The following FAM83B variants were observed in gnomAD, a reference collection of about 807,000 sequenced individuals.
FAM83B encodes scaffolding CK1 anchoring protein B.
A neutral mutation model predicts 38.8 loss-of-function variants in FAM83B; 26 were observed. That is an observed-to-expected ratio of 0.67 (90% CI 0.49 to 0.93). FAM83B has a LOEUF of 0.93. FAM83B is among the 40% of genes least tolerant of loss of function. The pLI, the probability that FAM83B is intolerant of heterozygous loss-of-function variation, is 0.00. For synonymous variants in FAM83B, 419 were observed against 423.1 expected (o/e 0.99, Z 0.12); for missense variants, 1,237 against 1,197.3 (o/e 1.03, Z -0.49).
chr6:54,865,589 C>A (rs1771681664), intron 1 of FAM83B, among the ~76,000 whole-genome samples: 1 of 152,170 alleles, frequency 6.6e-6, no homozygotes, highest in Admixed American at 6.5e-5. Flanking sequence ...GGAAAATGGA[C>A]TGCAGTGATG....
intron 2 of FAM83B, among the ~76,000 whole-genome samples, chr6:54,890,017 C>A (rs1448224206): frequency 6.6e-6 from 1 of 151,926 alleles, no homozygotes; most frequent in African/African-American, 2.4e-5. Context: ...TATATATAGT[C>A]ATGATCTATT....
chr6:54,940,661 T>C lies in FAM83B; in HGVS notation c.1690T>C (p.Ser564Pro), dbSNP rs752480008. The change falls in exon 5 of 5, where the codon TCA becomes CCA. Residue 564 changes from serine (S) to proline (P), a missense_variant. By Grantham distance (74) the Ser-to-Pro change is moderately conservative. Coordinates refer to ENST00000306858, the MANE Select transcript of FAM83B (RefSeq NM_001010872.3). ...AGTTAACAGTTGTACAACTGGCTCCTCAAATTCAACTATCATTGGTTCTCA... is the reference window on the plus strand; with the variant it reads ...AGTTAACAGTTGTACAACTGGCTCCCCAAATTCAACTATCATTGGTTCTCA... ...KEVNSCTTGS[S>P]NSTIIGSQGS... is the part of the protein sequence containing the mutation. The C allele has an allele frequency of 6.2e-7, 1 of 1,614,052 alleles. No individual in the cohort carries two copies. Among genetic ancestry groups the C allele is most frequent in the Non-Finnish European group, 8.5e-7 (1 of 1,180,024 alleles).
chr6:54,935,890 A>G (rs1312447792), intron 4 of FAM83B, among the ~76,000 whole-genome samples: 1 of 152,074 alleles, frequency 6.6e-6, no homozygotes, highest in African/African-American at 2.4e-5. Context: ...CACCTGAAAG[A>G]TGGCTGAGTC....
In FAM83B at chr6:54,944,075, T is replaced by G. The variant is rs1026617479; in HGVS notation, c.*2068T>G. On this transcript the variant is annotated 3_prime_UTR_variant, in exon 5 of 5. Transcript: ENST00000306858. ...TGCGTTTTTTAAAAATTGTTTTTCT[T>G]GTATCTTTTTTCTTCAAAAATATCT... 6.6e-6 allele frequency: 1 copy of G among 152,210 alleles called. No homozygotes were observed. The highest frequency in any genetic ancestry group is 6.5e-5 in the Admixed American group (1 of 15,268). 9.4% of individuals were successfully genotyped at this position (152,210 alleles called of 1,614,324 possible).
chr6:54,881,625 A>G (rs73439707), intron 2 of FAM83B, among the ~76,000 whole-genome samples: 1,577 of 152,282 alleles, frequency 0.01, 29 homozygotes, highest in African/African-American at 0.036. Context: ...TTACTGAAAA[A>G]AAAATAAAAT....
At position 54,941,284 on chromosome 6, in the gene FAM83B, G is replaced by A. The variant is rs752093050; in HGVS notation, c.2313G>A (p.Gly771=). 5.6e-6 allele frequency: 9 copies of A among 1,610,440 alleles called. 1 individual carries two copies. The East Asian group carries it at 6.7e-5, about 12-fold the overall frequency. Residue 771 remains glycine, a synonymous_variant, in exon 5 of 5, where the codon GGG becomes GGA. Transcript: ENST00000306858. ...GTTCCCCAAGTTTTTTGAAAAAGGG[G>A]TCTCAGAAGTTAAGGTCATTACTTA... ...VKGSPSFLKK[G]SQKLRSLLSL... is the part of the protein sequence containing the mutation.
Position 54,870,647 on chromosome 6 carries a change from C to G in FAM83B, c.401C>G (p.Thr134Arg). ...LFHPPRAHLL[T>R]IKETIRKMIK... Reference sequence around the variant, plus strand: ...CATCCACCAAGAGCACATCTACTTACGATAAAAGAAACTATTCGGAAGATG... The same window carrying G: ...CATCCACCAAGAGCACATCTACTTAGGATAAAAGAAACTATTCGGAAGATG... Residue 134 changes from threonine (T) to arginine (R), a missense_variant, in exon 2 of 5, where the codon ACG (threonine) becomes AGG (arginine). Thr to Arg is a moderately conservative substitution (Grantham distance 71). Transcript: ENST00000306858. 6.2e-7 allele frequency: 1 copy of G among 1,607,886 alleles called. No individual in the cohort carries two copies. The highest frequency in any genetic ancestry group is 8.5e-7 in the Non-Finnish European group (1 of 1,177,532).
chr6:54,860,086 G>A (rs1771541465), intron 1 of FAM83B, among the ~76,000 whole-genome samples: 1 of 151,988 alleles, frequency 6.6e-6, no homozygotes, highest in Non-Finnish European at 1.5e-5. Context: ...TTTTGTTTTT[G>A]GGTGAATTTT....
At chr6:54,918,879 C>T (rs936950366) in intron 2 of FAM83B, among the ~76,000 whole-genome samples, 8 of 152,210 alleles carry the variant, frequency 5.3e-5, no homozygotes, top group African/African-American at 1.2e-4. Context: ...TGTAACTCCC[C>T]GCAGAGCTTC....
At chr6:54,851,797 G>A (rs1219234150) in intron 1 of FAM83B, among the ~76,000 whole-genome samples, 4 of 150,082 alleles carry the variant, frequency 2.7e-5, no homozygotes, top group Non-Finnish European at 4.4e-5. Context: ...ACAGGCGCCC[G>A]CCACTACGCC....
intron 1 of FAM83B, among the ~76,000 whole-genome samples, chr6:54,868,573 G>A (rs1771771828): frequency 6.6e-6 from 1 of 152,094 alleles, no homozygotes; most frequent in Admixed American, 6.6e-5. Context: ...GACAAGATGG[G>A]TGTTCTTCCT....
chr6:54,873,245 G>A (rs1771904536), intron 2 of FAM83B, among the ~76,000 whole-genome samples: 1 of 151,614 alleles, frequency 6.6e-6, no homozygotes, highest in Non-Finnish European at 1.5e-5. Context: ...ATCTTTGCAT[G>A]GAATATGTAT....
chr6:54,940,932 A>G lies in FAM83B; in HGVS notation c.1961A>G (p.Gln654Arg). The change falls in exon 5 of 5, where the codon CAA (glutamine) becomes CGA (arginine). Residue 654 changes from glutamine (Q) to arginine (R), a missense_variant. Gln to Arg is a conservative substitution (Grantham distance 43, BLOSUM62 1). Transcript: ENST00000306858. ...VNKQTENLKN[Q>R]QTENLLKRRS... ...AAGCAGACAGAAAATCTAAAGAATCAACAGACTGAGAATCTACTTAAAAGG... is the reference window on the plus strand; with the variant it reads ...AAGCAGACAGAAAATCTAAAGAATCGACAGACTGAGAATCTACTTAAAAGG... 1 of 1,613,458 alleles carries G rather than the reference A, an allele frequency of 6.2e-7. No individual in the cohort carries two copies. Among genetic ancestry groups the G allele is most frequent in the Non-Finnish European group, 8.5e-7 (1 of 1,179,874 alleles).
chr6:54,896,079 A>T (rs982312748), intron 2 of FAM83B, among the ~76,000 whole-genome samples: 4 of 152,058 alleles, frequency 2.6e-5, no homozygotes, highest in Non-Finnish European at 5.9e-5. Context: ...TTTAGTAGAG[A>T]CAGGGTTTCA....
chr6:54,880,017 A>G (rs142401298), intron 2 of FAM83B, among the ~76,000 whole-genome samples: 20 of 152,350 alleles, frequency 1.3e-4, no homozygotes, highest in South Asian at 6.2e-4. Flanking sequence ...AGATGTCTTA[A>G]TCATCTGATT....
In FAM83B at chr6:54,871,534, C is replaced by A. The variant is rs193204045; in HGVS notation, c.444+844C>A. Among the ~76,000 whole-genome samples, 205 of 146,252 alleles carry A rather than the reference C, an allele frequency of 1.4e-3. 2 individuals carry two copies. Among genetic ancestry groups the A allele is most frequent in the Non-Finnish European group, 2.0e-3 (132 of 67,000 alleles). Reference sequence around the variant, plus strand: ...AGGAGTTTGAGACTACCCTGGCCAACATAGCAAAACCTCGTCTCTACAATA... The same window carrying A: ...AGGAGTTTGAGACTACCCTGGCCAAAATAGCAAAACCTCGTCTCTACAATA... On this transcript the variant is annotated intron_variant, in intron 2 of 4. Coordinates refer to ENST00000306858, the MANE Select transcript of FAM83B (RefSeq NM_001010872.3).
At chr6:54,847,956 C>G (rs976014957) in intron 1 of FAM83B, among the ~76,000 whole-genome samples, 2 of 152,208 alleles carry the variant, frequency 1.3e-5, no homozygotes, top group African/African-American at 4.8e-5. Context: ...CAGGCACCTC[C>G]CTTCTTTCCC....
intron 2 of FAM83B, among the ~76,000 whole-genome samples, chr6:54,910,978 C>T (rs1332028640): frequency 6.6e-6 from 1 of 152,038 alleles, no homozygotes; most frequent in Non-Finnish European, 1.5e-5. Flanking sequence ...AAGATGATCT[C>T]AGCTTTGTAA....
intron 2 of FAM83B, among the ~76,000 whole-genome samples, chr6:54,877,668 G>A (rs998744122): frequency 6.6e-6 from 1 of 152,174 alleles, no homozygotes; most frequent in African/African-American, 2.4e-5. Context: ...GTTAGGCACT[G>A]TGCTAAGCAC....
Sources: allele counts gnomAD v4.1 joint callset (sites outside exome capture counted in the v4.1 genomes callset), GRCh38; gene constraint gnomAD v4.1.1; transcripts MANE v1.5; gene names NCBI Gene and HGNC (gene_info 2026-07-23, HGNC 2026-07-21).